Variants in TMEM272 observed in about 807,000 individuals in gnomAD.
The protein encoded by TMEM272 is long intergenic non-protein coding RNA 282.
TMEM272 carries 8 observed loss-of-function variants against 3.7 expected under a neutral mutation model. The ratio of observed to expected loss-of-function variants is 2.17; its 90% CI spans 1.27 to 3.91. The LOEUF is 3.91. Among genes scored for constraint, TMEM272 ranks in the 30% most tolerant of loss-of-function variants. The probability of loss-of-function intolerance (pLI) is 0.00; values close to 1 mark genes in which losing one functional copy is unlikely to be tolerated. For synonymous variants in TMEM272, 63 were observed against 39.8 expected (o/e 1.58, Z -2.20); for missense variants, 166 against 91.5 (o/e 1.81, Z -3.32).
the TMEM272 span, among the ~76,000 whole-genome samples, chr13:51,882,248 T>C: frequency 6.6e-6 from 1 of 152,234 alleles, no homozygotes; most frequent in African/African-American, 2.4e-5. Context: ...CAATAATTAA[T>C]ATATACATTG....
chr13:51,879,154 G>A, the TMEM272 span, among the ~76,000 whole-genome samples: 26 of 152,226 alleles, frequency 1.7e-4, no homozygotes, highest in Admixed American at 1.7e-3. Flanking sequence ...TCTAGGCTGA[G>A]AAACAGAGAA....
At chr13:51,897,222 C>CTT in the TMEM272 span, among the ~76,000 whole-genome samples, 1 of 152,004 alleles carries the variant, frequency 6.6e-6, no homozygotes, top group African/African-American at 2.4e-5. Context: ...AAGACATTGT[C>CTT]TTTTTTTTAT....
chr13:51,871,018 C>T, the TMEM272 span, among the ~76,000 whole-genome samples: 6 of 151,918 alleles, frequency 3.9e-5, no homozygotes, highest in African/African-American at 1.5e-4. Context: ...TGTGTTGAGA[C>T]CTTCCTCCTC....
At position 51,816,596 on chromosome 13, in the gene TMEM272, G is replaced by A. The variant is rs1011992873; in HGVS notation, c.*155C>T. 1 of 584,758 alleles carries A rather than the reference G, an allele frequency of 1.7e-6. No individual in the cohort carries two copies. Among genetic ancestry groups the A allele is most frequent in the African/African-American group, 1.9e-5 (1 of 53,666 alleles). 36.2% of individuals were successfully genotyped at this position (584,758 alleles called of 1,614,324 possible). On this transcript the variant is annotated 3_prime_UTR_variant, in exon 5 of 5. Transcript: ENST00000629372. ...CTGCTATTATATTCAGTGCCTTTGG[G>A]TGGCTTTTTAAATGCCTTCAGGGAA...
chr13:51,859,582 T>A, the TMEM272 span, among the ~76,000 whole-genome samples: 1 of 149,816 alleles, frequency 6.7e-6, no homozygotes, highest in Non-Finnish European at 1.5e-5. Context: ...GAGACATCAG[T>A]TCATGGAGAT....
chr13:51,883,660 T>C, the TMEM272 span, among the ~76,000 whole-genome samples: 21 of 152,300 alleles, frequency 1.4e-4, no homozygotes, highest in South Asian at 3.5e-3. Context: ...AGTTGTGGAC[T>C]CTATCTGGGC....
the TMEM272 span, among the ~76,000 whole-genome samples, chr13:51,900,876 C>T: frequency 1.2e-3 from 187 of 152,226 alleles, no homozygotes; most frequent in African/African-American, 3.4e-3. Flanking sequence ...AAAAGCCACA[C>T]GTTTTATGGT....
At chr13:51,867,609 G>C in the TMEM272 span, among the ~76,000 whole-genome samples, 1 of 151,980 alleles carries the variant, frequency 6.6e-6, no homozygotes, top group South Asian at 2.1e-4. Context: ...TTGTGGGAAA[G>C]CCTGGGTTAC....
chr13:51,884,171 T>A, the TMEM272 span, among the ~76,000 whole-genome samples: 1 of 152,150 alleles, frequency 6.6e-6, no homozygotes, highest in Non-Finnish European at 1.5e-5. Context: ...ATAGTTAAGG[T>A]TTGCTTCTAG....
the TMEM272 span, among the ~76,000 whole-genome samples, chr13:51,868,129 T>C: frequency 1.3e-5 from 2 of 152,346 alleles, no homozygotes; most frequent in East Asian, 3.9e-4. Flanking sequence ...CTTTGCTACA[T>C]AAATCATTTA....
chr13:51,896,308 TCTAGAGGGG>T, the TMEM272 span, among the ~76,000 whole-genome samples: 1 of 151,664 alleles, frequency 6.6e-6, no homozygotes, highest in Non-Finnish European at 1.5e-5. Context: ...GCCATATAGC[TCTAGAGGGG>T]TGTGTGTGTG....
chr13:51,857,223 G>A, the TMEM272 span, among the ~76,000 whole-genome samples: 5 of 150,626 alleles, frequency 3.3e-5, no homozygotes, highest in Non-Finnish European at 4.4e-5. Context: ...CCATTCTACC[G>A]ATAACACCTG....
chr13:51,866,010 T>C, the TMEM272 span: 1 of 1,612,060 alleles, frequency 6.2e-7, no homozygotes, highest in African/African-American at 1.3e-5. Flanking sequence ...GGAGAGCAGA[T>C]GCTCGAAGAT....
the TMEM272 span, among the ~76,000 whole-genome samples, chr13:51,898,735 C>G: frequency 6.6e-6 from 1 of 151,820 alleles, no homozygotes; most frequent in Non-Finnish European, 1.5e-5. Flanking sequence ...GCTAAGACGG[C>G]ACTGTTGGAA....
At chr13:51,839,194 T>C (rs1000142350) in intron 1 of TMEM272, among the ~76,000 whole-genome samples, 1 of 152,162 alleles carries the variant, frequency 6.6e-6, no homozygotes, top group African/African-American at 2.4e-5. Context: ...GGACCTGCTG[T>C]GGTCTGAGCA....
the TMEM272 span, among the ~76,000 whole-genome samples, chr13:51,916,520 T>C: frequency 1.3e-5 from 2 of 152,368 alleles, no homozygotes; most frequent in South Asian, 2.1e-4. Context: ...CGTCTTATTT[T>C]AGTCTGCATT....
At chr13:51,884,705 G>A in the TMEM272 span, among the ~76,000 whole-genome samples, 1 of 152,166 alleles carries the variant, frequency 6.6e-6, no homozygotes, top group Non-Finnish European at 1.5e-5. Context: ...CGCTAGCTGT[G>A]AGAGCTTGAA....
rs979572439 is a variant in TMEM272 at position 51,815,562 on chromosome 13, T to G, written c.*1189A>C. ...TTAAAAAATAAACACAGCTCAGCAG[T>G]GTGTAAATATACAGAAATGCTATGC... On this transcript the variant is annotated 3_prime_UTR_variant, in exon 5 of 5. Transcript: ENST00000629372. 8 of 152,298 alleles carry G rather than the reference T, an allele frequency of 5.3e-5. No individual in the cohort carries two copies. Among genetic ancestry groups the G allele is most frequent in the African/African-American group, 1.9e-4 (8 of 41,442 alleles). 9.4% of individuals were successfully genotyped at this position (152,298 alleles called of 1,614,324 possible).
chr13:51,880,492 G>C, the TMEM272 span, among the ~76,000 whole-genome samples: 1 of 11,388 alleles, frequency 8.8e-5, no homozygotes, highest in Non-Finnish European at 2.0e-4. Context: ...GAAACATACA[G>C]GGAATTTTTT....
Sources: gnomAD v4.1 joint callset for allele counts (sites outside exome capture counted in the v4.1 genomes callset) on GRCh38, gnomAD v4.1.1 for gene constraint, MANE v1.5 for transcripts, NCBI Gene and HGNC (gene_info 2026-07-23, HGNC 2026-07-21) for gene names.